CDH3: variants seen among roughly 807,000 people sequenced by gnomAD.
CDH3 encodes cadherin-3.
In CDH3, 54 loss-of-function variants were observed where a neutral mutation model predicts 82.0. That is an observed-to-expected ratio of 0.66 (90% CI 0.53 to 0.83). The LOEUF (loss-of-function observed/expected upper bound fraction) is 0.83. CDH3 is among the 40% of genes least tolerant of loss of function. The probability of loss-of-function intolerance (pLI) is 0.00; values close to 1 mark genes in which losing one functional copy is unlikely to be tolerated. For missense variants in CDH3, 1,054 were observed against 1,084.6 expected, an observed-to-expected ratio of 0.97 and a Z score of 0.40; for synonymous variants, 446 against 437.9, an observed-to-expected ratio of 1.02 and a Z score of -0.23.
At chr16:68,662,544 C>CT (rs34173111) in intron 2 of CDH3, among the ~76,000 whole-genome samples, 4,222 of 94,086 alleles carry the variant, frequency 0.045, 219 homozygotes, top group African/African-American at 0.091. Context: ...TGAAGCCAGC[C>CT]TTTTTTTTTT....
rs1319119620 is a variant in CDH3, at chr16:68,699,661, G to C, written c.*1261G>C. ...ACTATGCCCAGCTAATTTTTTTTGA[G>C]TGTGTGTGTTTTTTTAGTAGAGACG... On this transcript the variant is annotated 3_prime_UTR_variant, in exon 16 of 16. Coordinates refer to ENST00000264012, the MANE Select transcript of CDH3 (RefSeq NM_001793.6). The C allele has an allele frequency of 6.6e-6, 1 of 151,946 alleles. No homozygotes were observed. Among genetic ancestry groups the C allele is most frequent in the East Asian group, 1.9e-4 (1 of 5,186 alleles). The allele number at this position is 151,946 out of a possible 1,614,324, so 9.4% of individuals were successfully genotyped here.
rs940685398 is a variant in CDH3 at position 68,651,480 on chromosome 16, A to G, written c.160+5730A>G. ...CCCGATGACGCACTGGCCGGCCTTC[A>G]TGGTGTTCTAGTCGAAGTTTTGCTC... On this transcript the variant is annotated intron_variant, in intron 2 of 15. Coordinates refer to ENST00000264012, the MANE Select transcript of CDH3 (RefSeq NM_001793.6). 3.7e-4 allele frequency: 188 copies of G among 514,172 alleles called. 2 individuals carry two copies. The Admixed American group carries it at 4.1e-3, about 11-fold the overall frequency. 31.9% of individuals were successfully genotyped at this position (514,172 alleles called of 1,614,324 possible).
intron 1 of CDH3, among the ~76,000 whole-genome samples, chr16:68,715,065 G>A (rs1007689668): frequency 5.3e-5 from 8 of 151,894 alleles, no homozygotes; most frequent in Non-Finnish European, 1.2e-4. Context: ...TCCATTTTAC[G>A]GAGGGGCAAA....
At chr16:68,713,784 G>A (rs777450532) in intron 1 of CDH3, among the ~76,000 whole-genome samples, 5 of 152,020 alleles carry the variant, frequency 3.3e-5, no homozygotes, top group Non-Finnish European at 7.4e-5. Context: ...AGACCACACA[G>A]CCACACTGGG....
downstream of CDH3, among the ~76,000 whole-genome samples, chr16:68,731,551 T>C (rs999113327): frequency 2.1e-5 from 3 of 140,390 alleles, no homozygotes; most frequent in East Asian, 4.2e-4. Context: ...TATATATATA[T>C]ACAATTTGGG....
intron 2 of CDH3, chr16:68,651,503 C>T (rs1269291691): frequency 2.0e-6 from 1 of 496,204 alleles, no homozygotes; most frequent in South Asian, 1.6e-5. Flanking sequence ...CGAAGTTTTG[C>T]TCCTGCTTCT....
At chr16:68,713,411 C>T (rs1962055493) in intron 1 of CDH3, among the ~76,000 whole-genome samples, 3 of 151,842 alleles carry the variant, frequency 2.0e-5, no homozygotes, top group Admixed American at 2.0e-4. Context: ...CCTGGAGCTG[C>T]CAGGGAATAG....
At chr16:68,714,168 A>G (rs1962065849) in intron 1 of CDH3, among the ~76,000 whole-genome samples, 1 of 152,098 alleles carries the variant, frequency 6.6e-6, no homozygotes, top group Non-Finnish European at 1.5e-5. Context: ...TCCTGACGTC[A>G]GGTGATCTGC....
chr16:68,732,979 G>A, the CDH3 span, among the ~76,000 whole-genome samples: 1 of 151,844 alleles, frequency 6.6e-6, no homozygotes, highest in Non-Finnish European at 1.5e-5. Flanking sequence ...GCCTGGGGGA[G>A]GGGAGGCTCC....
rs1216870997 is a variant in CDH3, at chr16:68,692,046, A to AT, written c.2002+128dup. The AT allele has an allele frequency of 7.0e-5, 51 of 727,848 alleles. No individual in the cohort carries two copies. The Middle Eastern group carries it at 1.6e-3, about 22-fold the overall frequency. 45.1% of individuals were successfully genotyped at this position (727,848 alleles called of 1,614,324 possible). On this transcript the variant is annotated intron_variant, in intron 13 of 15. Transcript: ENST00000264012. Reference sequence around the variant, plus strand: ...AACATTGCCCGTCCACTCCTTAAACATTTTTTTTAAGACAGGGTCTCACTC... The same window carrying AT: ...AACATTGCCCGTCCACTCCTTAAACATTTTTTTTTAAGACAGGGTCTCACTC...
At chr16:68,690,509 A>G (rs1266049362) in intron 12 of CDH3, among the ~76,000 whole-genome samples, 1 of 152,152 alleles carries the variant, frequency 6.6e-6, no homozygotes, top group Non-Finnish European at 1.5e-5. Context: ...GCTACTCCAG[A>G]GGCCAAGGCA....
chr16:68,698,565 C>A lies in CDH3; in HGVS notation c.*165C>A. ...GACGTTAGAGTGGTGGCTTCCTTAG[C>A]CTTTCAGGATGGAGGAATGTGGGCA... On this transcript the variant is annotated 3_prime_UTR_variant, in exon 16 of 16. Coordinates refer to ENST00000264012, the MANE Select transcript of CDH3 (RefSeq NM_001793.6). 2 of 636,782 alleles carry A rather than the reference C, an allele frequency of 3.1e-6. No individual in the cohort carries two copies. Among genetic ancestry groups the A allele is most frequent in the South Asian group, 1.9e-5 (1 of 52,510 alleles). The allele number at this position is 636,782 out of a possible 1,614,324, so 39.4% of individuals were successfully genotyped here.
downstream of CDH3, among the ~76,000 whole-genome samples, chr16:68,728,565 G>C (rs1221363588): frequency 6.6e-6 from 1 of 152,188 alleles, no homozygotes; most frequent in Non-Finnish European, 1.5e-5. Context: ...CAAAGTGATG[G>C]GATGACAGGC....
intron 12 of CDH3, among the ~76,000 whole-genome samples, chr16:68,688,661 C>A (rs947488857): frequency 6.6e-6 from 1 of 152,106 alleles, no homozygotes; most frequent in Non-Finnish European, 1.5e-5. Context: ...GAGTCTCACT[C>A]TGTCTCCCAG....
At chr16:68,725,411 G>C (rs921102869) in intron 2 of CDH3, among the ~76,000 whole-genome samples, 4 of 151,674 alleles carry the variant, frequency 2.6e-5, no homozygotes, top group Non-Finnish European at 5.9e-5. Flanking sequence ...TCGGCTCACT[G>C]CAAGCTCTGC....
Position 68,687,598 on chromosome 16 carries a change from AT to A in CDH3, c.1658del (p.Ile553ThrfsTer13), listed in dbSNP as rs1260788481. On this transcript the variant is annotated frameshift_variant, in exon 12 of 16. Coordinates refer to ENST00000264012, the MANE Select transcript of CDH3 (RefSeq NM_001793.6). LOFTEE classifies it high-confidence loss of function. ...TGGCCCAGTCCCTGAGCCCCGTCAG[AT>A]CACCATCTGCAACCAAAGCCCTGTG... The part of the protein sequence containing the change: ...DHGPVPEPRQ[I>X]TICNQSPVRQ... 6.2e-7 allele frequency: 1 copy of A among 1,614,140 alleles called. No homozygotes were observed. Among genetic ancestry groups the A allele is most frequent in the East Asian group, 2.2e-5 (1 of 44,876 alleles).
chr16:68,657,462 C>T (rs111875633), intron 2 of CDH3, among the ~76,000 whole-genome samples: 10 of 152,086 alleles, frequency 6.6e-5, no homozygotes, highest in East Asian at 1.9e-4. Context: ...TGCAGTGAGC[C>T]GAGATCGCAC....
chr16:68,689,518 A>G (rs1961504800), intron 12 of CDH3, among the ~76,000 whole-genome samples: 1 of 151,250 alleles, frequency 6.6e-6, no homozygotes, highest in Non-Finnish European at 1.5e-5. Context: ...CCTGGGTGAC[A>G]GAGCGAGACT....
Position 68,678,588 on chromosome 16 carries a change from G to A in CDH3, c.478G>A (p.Val160Ile), listed in dbSNP as rs761132411. The A allele has an allele frequency of 2.5e-6, 4 of 1,614,248 alleles. No homozygotes were observed. In the East Asian group the frequency reaches 8.9e-5, roughly 36 times the overall value. Residue 160 changes from valine (V) to isoleucine (I), a missense_variant, in exon 5 of 16, where the codon GTA (valine) becomes ATA (isoleucine). Val to Ile is a conservative substitution (Grantham distance 29, BLOSUM62 3). Transcript: ENST00000264012. ...ADSPPEGVFA[V>I]EKETGWLLLN... Reference sequence around the variant, plus strand: ...CAGCCCCCCTGAGGGTGTCTTCGCTGTAGAGAAGGAGACAGGCTGGTTGTT... The same window carrying A: ...CAGCCCCCCTGAGGGTGTCTTCGCTATAGAGAAGGAGACAGGCTGGTTGTT...
Sources: gnomAD v4.1 joint callset for allele counts (sites outside exome capture counted in the v4.1 genomes callset) on GRCh38, gnomAD v4.1.1 for gene constraint, MANE v1.5 for transcripts, NCBI Gene and HGNC (gene_info 2026-07-23, HGNC 2026-07-21) for gene names.